ERC2: variants seen among roughly 807,000 people sequenced by gnomAD.
The protein encoded by ERC2 is ELKS/RAB6-interacting/CAST family member 2, also known as ERC protein 2.
Under a neutral mutation model 114.8 loss-of-function variants are expected in ERC2, and 42 were observed. The ratio of observed to expected loss-of-function variants is 0.37; its 90% CI spans 0.29 to 0.47. ERC2 has a LOEUF of 0.47. Among genes scored for constraint, ERC2 ranks in the 20% least tolerant of loss-of-function variants. The pLI is 0.99. For missense variants in ERC2, 939 were observed against 1,150.7 expected, an observed-to-expected ratio of 0.82 and a Z score of 2.66; for synonymous variants, 454 against 425.5, an observed-to-expected ratio of 1.07 and a Z score of -0.82.
In ERC2 at chr3:55,544,181, G is replaced by T. The variant is rs550070402; in HGVS notation, c.*40-32905C>A. 4.6e-5 allele frequency among the ~76,000 whole-genome samples: 7 copies of T among 152,274 alleles called. No homozygotes were observed. In the South Asian group the frequency reaches 8.3e-4, roughly 18 times the overall value. ...CCTATTCCCCTCTTCAAGCACCTAAGTCTAGGCCTCCAAGCTTCAGGTCTC... is the reference window on the plus strand; with the variant it reads ...CCTATTCCCCTCTTCAAGCACCTAATTCTAGGCCTCCAAGCTTCAGGTCTC... On this transcript the variant is annotated intron_variant, in intron 17 of 17. Transcript: ENST00000288221.
At chr3:55,798,917 A>G (rs2070746473) in intron 14 of ERC2, among the ~76,000 whole-genome samples, 2 of 152,220 alleles carry the variant, frequency 1.3e-5, no homozygotes, top group South Asian at 4.1e-4. Context: ...AAATAATTTT[A>G]TAAATGCTTT....
At chr3:56,020,331 A>AT (rs1553776156) in intron 7 of ERC2, among the ~76,000 whole-genome samples, 16 of 149,394 alleles carry the variant, frequency 1.1e-4, no homozygotes, top group Admixed American at 2.7e-4. Flanking sequence ...TCCTTCATTC[A>AT]TTTTTTTTTC....
intron 13 of ERC2, among the ~76,000 whole-genome samples, chr3:55,920,597 A>G (rs1378687087): frequency 6.6e-6 from 1 of 152,110 alleles, no homozygotes; most frequent in Non-Finnish European, 1.5e-5. Context: ...ATATCTTGTT[A>G]TCTTAATTCT....
intron 3 of ERC2, among the ~76,000 whole-genome samples, chr3:56,287,326 T>C (rs1224354765): frequency 6.6e-6 from 1 of 152,192 alleles, no homozygotes; most frequent in Non-Finnish European, 1.5e-5. Flanking sequence ...AATTGTAAAA[T>C]AAAACTAACT....
chr3:55,542,390 G>A lies in ERC2; in HGVS notation c.*40-31114C>T, dbSNP rs139554009. Among the ~76,000 whole-genome samples, 262 of 152,324 alleles carry A rather than the reference G, an allele frequency of 1.7e-3. 1 individual carries two copies. Among genetic ancestry groups the A allele is most frequent in the Middle Eastern group, 0.014 (4 of 294 alleles). On this transcript the variant is annotated intron_variant, in intron 17 of 17. Coordinates refer to ENST00000288221, the MANE Select transcript of ERC2 (RefSeq NM_015576.3). ...TACTCACTGTGGCTCTGTGAAAAGA[G>A]TGCAGAAGGTATTGGTTAAGCCAGC...
At chr3:56,189,223 A>G (rs956533859) in intron 3 of ERC2, among the ~76,000 whole-genome samples, 5 of 152,188 alleles carry the variant, frequency 3.3e-5, no homozygotes, top group African/African-American at 1.2e-4. Context: ...CTTTCTTCAT[A>G]AGACGGTTCT....
At chr3:56,386,051 G>C (rs2059922213) in intron 2 of ERC2, among the ~76,000 whole-genome samples, 1 of 152,080 alleles carries the variant, frequency 6.6e-6, no homozygotes, top group Admixed American at 6.6e-5. Flanking sequence ...AGACAGAATG[G>C]AAAGGGTTGG....
At chr3:55,645,575 C>T (rs1419569201) in intron 17 of ERC2, among the ~76,000 whole-genome samples, 2 of 152,110 alleles carry the variant, frequency 1.3e-5, no homozygotes, top group African/African-American at 4.8e-5. Flanking sequence ...GAAAAATGTG[C>T]TGCTTCAATT....
In ERC2 at chr3:56,045,927, A is replaced by C. The variant is rs149849325; in HGVS notation, c.1642-26896T>G. ...CCTGCAAAAAATATACTCAATTATT[A>C]AAATATAAAAATTACACAAAAATAG... On this transcript the variant is annotated intron_variant, in intron 7 of 17. Transcript: ENST00000288221. Among the ~76,000 whole-genome samples the C allele has an allele frequency of 7.9e-5, 12 of 152,308 alleles. No homozygotes were observed. The East Asian group carries it at 2.3e-3, about 29-fold the overall frequency.
intron 14 of ERC2, among the ~76,000 whole-genome samples, chr3:55,736,942 A>G (rs540256461): frequency 6.6e-6 from 1 of 152,120 alleles, no homozygotes; most frequent in Non-Finnish European, 1.5e-5. Flanking sequence ...TTCCACTGGG[A>G]AAGTCTTATC....
chr3:55,908,008 G>A (rs556167307), intron 13 of ERC2, among the ~76,000 whole-genome samples: 1 of 152,278 alleles, frequency 6.6e-6, no homozygotes, highest in East Asian at 1.9e-4. Flanking sequence ...CACACAGGGA[G>A]AGGAGGCTTC....
intron 3 of ERC2, among the ~76,000 whole-genome samples, chr3:56,280,496 AG>A (rs1165125769): frequency 6.7e-6 from 1 of 148,288 alleles, no homozygotes; most frequent in African/African-American, 2.6e-5. Flanking sequence ...ACAAGGACAC[AG>A]GGGGAGAATA....
intron 14 of ERC2, among the ~76,000 whole-genome samples, chr3:55,784,899 C>A (rs2069360586): frequency 6.6e-6 from 1 of 152,154 alleles, no homozygotes; most frequent in Non-Finnish European, 1.5e-5. Flanking sequence ...ATTTATGCAT[C>A]CATTATATTA....
At chr3:56,247,950 C>A (rs1447813776) in intron 3 of ERC2, among the ~76,000 whole-genome samples, 1 of 152,208 alleles carries the variant, frequency 6.6e-6, no homozygotes, top group South Asian at 2.1e-4. Context: ...ATGCCCAATA[C>A]CTTTTAATAA....
intron 17 of ERC2, among the ~76,000 whole-genome samples, chr3:55,570,338 C>T (rs1197846857): frequency 5.9e-5 from 9 of 152,086 alleles, no homozygotes; most frequent in African/African-American, 1.9e-4. Context: ...GCTGGAAAGG[C>T]CCCCAATCAC....
chr3:55,766,560 G>T (rs961946676), intron 14 of ERC2: 1 of 152,098 alleles, frequency 6.6e-6, no homozygotes. Context: ...AGATGTAGAA[G>T]AAACCAGACC....
At chr3:56,446,531 G>A (rs540596160) in intron 1 of ERC2, among the ~76,000 whole-genome samples, 48 of 152,062 alleles carry the variant, frequency 3.2e-4, no homozygotes, top group Middle Eastern at 3.4e-3. Flanking sequence ...CATTTATAAG[G>A]TATTCCCAGA....
intron 14 of ERC2, among the ~76,000 whole-genome samples, chr3:55,774,087 C>G (rs2068425692): frequency 6.6e-6 from 1 of 152,190 alleles, no homozygotes; most frequent in Non-Finnish European, 1.5e-5. Context: ...CCACCGCCTT[C>G]TGAGACCTGG....
chr3:56,330,287 C>T (rs1189235302), intron 2 of ERC2, among the ~76,000 whole-genome samples: 1 of 152,180 alleles, frequency 6.6e-6, no homozygotes, highest in Non-Finnish European at 1.5e-5. Flanking sequence ...GATCCACCTG[C>T]CTCAGCCTCC....
Sources: gnomAD v4.1 joint callset for allele counts (sites outside exome capture counted in the v4.1 genomes callset) on GRCh38, gnomAD v4.1.1 for gene constraint, MANE v1.5 for transcripts, NCBI Gene and HGNC (gene_info 2026-07-23, HGNC 2026-07-21) for gene names.